Variants in RPAP1 observed in about 807,000 individuals in gnomAD.
RPAP1 encodes RNA polymerase II associated protein 1.
RPAP1 carries 109 observed loss-of-function variants against 142.4 expected under a neutral mutation model. The observed-to-expected ratio is 0.77, with a 90% confidence interval of 0.66 to 0.90. The LOEUF is 0.90. RPAP1 is among the 40% of genes least tolerant of loss of function. RPAP1 has a pLI of 0.00. For synonymous variants in RPAP1, 704 were observed against 738.9 expected, an observed-to-expected ratio of 0.95 and a Z score of 0.77; for missense variants, 1,546 against 1,751.7, an observed-to-expected ratio of 0.88 and a Z score of 2.10.
chr15:41,521,060 C>A lies in RPAP1; in HGVS notation c.3126G>T (p.Gly1042=). ...CCTGGCAGGCCTGAGCCAGCAGAGT[C>A]CCTTGCCCACACCGAGGGACCCTGC... is the stretch of plus-strand genomic sequence containing the variant. ...GSSRVPRCGQ[G]TLLAQACQDL... The change falls in exon 22 of 25, where the codon GGG becomes GGT. Residue 1042 remains glycine (G), a synonymous_variant. Transcript: ENST00000304330. 1 of 1,565,688 alleles carries A rather than the reference C, an allele frequency of 6.4e-7. No homozygotes were observed. The highest frequency in any genetic ancestry group is 1.4e-5 in the African/African-American group (1 of 73,864).
At position 41,520,877 on chromosome 15, in the gene RPAP1, G is replaced by A. The variant is rs1327321582; in HGVS notation, c.3309C>T (p.Phe1103=). 8.7e-6 allele frequency: 14 copies of A among 1,613,754 alleles called. No individual in the cohort carries two copies. The South Asian group carries it at 1.1e-4, about 13-fold the overall frequency. The change falls in exon 22 of 25, where the codon TTC becomes TTT. Residue 1103 remains phenylalanine, a synonymous_variant. Coordinates refer to ENST00000304330, the MANE Select transcript of RPAP1 (RefSeq NM_015540.4). ...TEPLLPTDWP[F]LPLIRLYHRA... is the part of the protein sequence containing the mutation. ...GGTGGTAGAGGCGAATCAGTGGCAG[G>A]AAGGGCCAGTCGGTGGGCAGCAGCG...
chr15:41,522,953 A>G lies in RPAP1; in HGVS notation c.2554T>C (p.Ser852Pro). 6.5e-7 allele frequency: 1 copy of G among 1,536,090 alleles called. No individual in the cohort carries two copies. The highest frequency in any genetic ancestry group is 8.7e-7 in the Non-Finnish European group (1 of 1,151,206). The change falls in exon 19 of 25, where the codon TCC becomes CCC. Residue 852 changes from serine to proline, a missense_variant. Physicochemically the swap from Ser to Pro is moderately conservative, Grantham distance 74. This residue lies in a region of RPAP1 where 1,333 missense variants were observed against 1,486.6 expected (regional missense o/e 0.90). Coordinates refer to ENST00000304330, the MANE Select transcript of RPAP1 (RefSeq NM_015540.4). ...GSLWDSLRHC[S>P]LLCNPLSCVP... ...CAGGACAGCGGGTTGCAGAGAAGGG[A>G]GCAGTGCCTGTAGGTGAAGTGGAGA...
intron 10 of RPAP1, 38 bp from the exon 11 acceptor site, chr15:41,528,065 A>G: frequency 6.2e-7 from 1 of 1,608,104 alleles, no homozygotes; most frequent in Non-Finnish European, 8.5e-7. Context: ...GAAGATGCTG[A>G]AGTTATCTAG....
rs115493738 is a variant in RPAP1, at chr15:41,541,142, G to A, written c.-77+3077C>T. Among the ~76,000 whole-genome samples, 1,335 of 152,278 alleles carry A rather than the reference G, an allele frequency of 8.8e-3. 11 individuals carry two copies. Among genetic ancestry groups the A allele is most frequent in the African/African-American group, 0.03 (1,265 of 41,558 alleles). On this transcript the variant is annotated intron_variant, in intron 1 of 24. Transcript: ENST00000304330. ...CAAAGGTATAGAAGCAGGGAATAGG[G>A]CCGGGCGCAGTGGCTCACACCTGTA... is the stretch of plus-strand genomic sequence containing the variant.
At chr15:41,528,431 A>G in intron 9 of RPAP1, 95 bp from the exon 10 acceptor site, 1 of 851,252 alleles carries the variant, frequency 1.2e-6, no homozygotes. Flanking sequence ...AAGATAAATA[A>G]GTGAAATCTG....
chr15:41,523,191 G>T, intron 18 of RPAP1, 54 bp downstream of exon 18: 2 of 1,290,406 alleles, frequency 1.5e-6, no homozygotes, highest in Non-Finnish European at 2.2e-6. Context: ...AATCCCACAA[G>T]GAAAGAAATT....
chr15:41,532,904 G>C (rs1285748930), intron 6 of RPAP1, among the ~76,000 whole-genome samples: 1 of 143,664 alleles, frequency 7.0e-6, no homozygotes, highest in African/African-American at 2.6e-5. Flanking sequence ...GCTTGAACTA[G>C]GGAGGTACAG....
At chr15:41,522,294 T>G in intron 19 of RPAP1, 44 bp from the exon 20 acceptor site, 1 of 1,584,388 alleles carries the variant, frequency 6.3e-7, no homozygotes, top group Admixed American at 1.8e-5. Context: ...TTGACTCTCA[T>G]GCCTTCTAGG....
Position 41,524,011 on chromosome 15 carries a change from C to T in RPAP1, c.2235-39G>A, listed in dbSNP as rs757393825. The T allele has an allele frequency of 9.3e-6, 15 of 1,612,078 alleles. No individual in the cohort carries two copies. The South Asian group carries it at 1.5e-4, about 17-fold the overall frequency. ...AAAGGGTGCCACAGTGAGGATCTGG[C>T]TGCCTCACGCCCCTTTACACTCCAG... On this transcript the variant is annotated intron_variant, in intron 16 of 24. Coordinates refer to ENST00000304330, the MANE Select transcript of RPAP1 (RefSeq NM_015540.4).
intron 6 of RPAP1, among the ~76,000 whole-genome samples, chr15:41,531,634 T>A (rs1489930080): frequency 3.6e-3 from 206 of 57,610 alleles, no homozygotes; most frequent in African/African-American, 6.9e-3. Context: ...TATATTTTTT[T>A]TTTTTTTTTT....
At position 41,522,182 on chromosome 15, in the gene RPAP1, G is replaced by A; in HGVS notation, c.2811C>T (p.Ala937=). The part of the protein sequence containing the change: ...YFLQCVAPGA[A]PHLTPFSAWA... Reference sequence around the variant, plus strand: ...ATGCAGAGAAAGGTGTGAGGTGTGGGGCAGCCCCAGGAGCCACACACTGGA... The same window carrying A: ...ATGCAGAGAAAGGTGTGAGGTGTGGAGCAGCCCCAGGAGCCACACACTGGA... The change falls in exon 20 of 25, where the codon GCC becomes GCT. Residue 937 remains alanine, a synonymous_variant. Transcript: ENST00000304330. 6.2e-7 allele frequency: 1 copy of A among 1,614,070 alleles called. No individual in the cohort carries two copies. Among genetic ancestry groups the A allele is most frequent in the Non-Finnish European group, 8.5e-7 (1 of 1,180,032 alleles).
In RPAP1 at chr15:41,518,090, G is replaced by C; in HGVS notation, c.3888C>G (p.Leu1296=). The change falls in exon 23 of 25, where the codon CTC becomes CTG. Residue 1296 remains leucine (L), a synonymous_variant. Coordinates refer to ENST00000304330, the MANE Select transcript of RPAP1 (RefSeq NM_015540.4). Reference sequence around the variant, plus strand: ...AGAGCACGGGGCACCAACGTGGGCGGAGCGCACCAGTAACCAGGGTCCGGA... The same window carrying C: ...AGAGCACGGGGCACCAACGTGGGCGCAGCGCACCAGTAACCAGGGTCCGGA... The part of the protein sequence containing the change: ...LYFRTLVTGA[L]RPRWCPVLYA... 6.2e-7 allele frequency: 1 copy of C among 1,609,982 alleles called. No individual in the cohort carries two copies. The highest frequency in any genetic ancestry group is 1.1e-5 in the South Asian group (1 of 90,488).
chr15:41,533,446 G>A (rs2051875190), intron 6 of RPAP1: 1 of 152,170 alleles, frequency 6.6e-6, no homozygotes, highest in African/African-American at 2.4e-5. Context: ...ACTCCAGCCT[G>A]GGTGACAGAG....
Position 41,521,789 on chromosome 15 carries a change from T to G in RPAP1, c.2987A>C (p.Tyr996Ser). The change falls in exon 21 of 25, where the codon TAC (tyrosine) becomes TCC (serine). Residue 996 changes from tyrosine to serine, a missense_variant. Tyr to Ser is a moderately radical substitution (Grantham distance 144, BLOSUM62 -2). Around this residue, in one of 3 missense-constraint regions of RPAP1, gnomAD observed 1,333 missense variants for 1,486.6 expected, o/e 0.90. Transcript: ENST00000304330. ...GCTCAGCAGCAGCTCATGGGTGAGG[T>G]ACTCACTTCCGGGCAGCAGCCGGCT... ...LLSRLLPGSEYLTHELLLSCV... is the reference protein window; with the variant it reads ...LLSRLLPGSESLTHELLLSCV... 3.1e-6 allele frequency: 5 copies of G among 1,614,038 alleles called. No homozygotes were observed. The highest frequency in any genetic ancestry group is 4.2e-6 in the Non-Finnish European group (5 of 1,180,012).
Position 41,518,062 on chromosome 15 carries a change from C to G in RPAP1, c.3916G>C (p.Ala1306Pro), listed in dbSNP as rs1389694871. 6.2e-7 allele frequency: 1 copy of G among 1,613,732 alleles called. No homozygotes were observed. The highest frequency in any genetic ancestry group is 1.7e-5 in the Admixed American group (1 of 59,850). Residue 1306 changes from alanine to proline, a missense_variant, in exon 23 of 25, where the codon GCT becomes CCT. Ala to Pro is a conservative substitution (Grantham distance 27). Coordinates refer to ENST00000304330, the MANE Select transcript of RPAP1 (RefSeq NM_015540.4). ...CTATTGACATGAGCCACAGCCACAG[C>G]ATAGAGCACGGGGCACCAACGTGGG... ...LRPRWCPVLY[A>P]VAVAHVNSFI...
At position 41,522,098 on chromosome 15, in the gene RPAP1, C is replaced by T. The variant is rs149961349; in HGVS notation, c.2895G>A (p.Ala965=). The change falls in exon 20 of 25, where the codon GCG becomes GCA. Residue 965 remains alanine (A), a splice_region_variant and synonymous_variant. Transcript: ENST00000304330. ...QYLALALAQK[A]AALQPLPATH... ...GAACCTGTCAGACAGGGGGACCTAC[C>T]GCTTTCTGGGCCAGAGCGAGTGCCA... 46 of 1,612,934 alleles carry T rather than the reference C, an allele frequency of 2.9e-5. No individual in the cohort carries two copies. Among genetic ancestry groups the T allele is most frequent in the South Asian group, 4.4e-5 (4 of 91,000 alleles).
intron 9 of RPAP1, among the ~76,000 whole-genome samples, chr15:41,529,214 A>G (rs564087602): frequency 3.3e-5 from 5 of 152,302 alleles, no homozygotes; most frequent in African/African-American, 1.2e-4. Flanking sequence ...ATGCGCCTGT[A>G]ATCCCAGCTA....
chr15:41,524,102 G>A lies in RPAP1; in HGVS notation c.2228C>T (p.Thr743Ile). 2 of 1,589,468 alleles carry A rather than the reference G, an allele frequency of 1.3e-6. No homozygotes were observed. Among genetic ancestry groups the A allele is most frequent in the Non-Finnish European group, 1.7e-6 (2 of 1,165,628 alleles). ...TLAAGSTPAE[T>I]ISDSAEASLS... ...GGTCCTGGCTATAAACTACCTGATG[G>A]TTTCAGCAGGGGTACTGCCGGCTGC... is the stretch of plus-strand genomic sequence containing the variant. The change falls in exon 16 of 25, where the codon ACC becomes ATC. Residue 743 changes from threonine to isoleucine, a missense_variant. Physicochemically the swap from Thr to Ile is moderately conservative, Grantham distance 89. Around this residue, in one of 3 missense-constraint regions of RPAP1, gnomAD observed 1,333 missense variants for 1,486.6 expected, o/e 0.90. Coordinates refer to ENST00000304330, the MANE Select transcript of RPAP1 (RefSeq NM_015540.4).
intron 6 of RPAP1, among the ~76,000 whole-genome samples, chr15:41,531,619 ATATATATATTTTTTTTTTTT>A (rs1360950665): frequency 0.047 from 1,221 of 26,258 alleles, 5 homozygotes; most frequent in African/African-American, 0.17. Flanking sequence ...ATATATATAT[ATATATATATTTTTTTTTTTT>A]TTTTTTTTTT....
Sources: gnomAD v4.1 joint callset for allele counts (sites outside exome capture counted in the v4.1 genomes callset) on GRCh38, gnomAD v4.1.1 for gene constraint, gnomAD v4.1.1 regional missense constraint, MANE v1.5 for transcripts, NCBI Gene and HGNC (gene_info 2026-07-23, HGNC 2026-07-21) for gene names.